The following CACNA2D4 variants were observed in gnomAD, a reference collection of about 807,000 sequenced individuals.
The protein encoded by CACNA2D4 is voltage-dependent calcium channel subunit alpha-2/delta-4.
A neutral mutation model predicts 163.8 loss-of-function variants in CACNA2D4; 157 were observed. That is an observed-to-expected ratio of 0.96 (90% CI 0.84 to 1.09). The LOEUF (loss-of-function observed/expected upper bound fraction) is 1.09, where lower values mean the gene tolerates loss of function less well. CACNA2D4 is among the 50% of genes least tolerant of loss of function. The pLI, the probability that CACNA2D4 is intolerant of heterozygous loss-of-function variation, is 0.00. For synonymous variants in CACNA2D4, 598 were observed against 586.9 expected, an observed-to-expected ratio of 1.02 and a Z score of -0.27; for missense variants, 1,410 against 1,479.9, an observed-to-expected ratio of 0.95 and a Z score of 0.78.
intron 29 of CACNA2D4, among the ~76,000 whole-genome samples, chr12:1,809,998 G>A (rs536308321): frequency 2.0e-5 from 3 of 152,322 alleles, no homozygotes; most frequent in Non-Finnish European, 4.4e-5. Flanking sequence ...GTCACTGAGT[G>A]GCTCCTACCA....
intron 6 of CACNA2D4, among the ~76,000 whole-genome samples, chr12:1,899,517 C>T (rs2154450899): frequency 6.6e-6 from 1 of 152,192 alleles, no homozygotes; most frequent in East Asian, 1.9e-4. Flanking sequence ...ATAATAGATT[C>T]ATACAAATAA....
In CACNA2D4 at chr12:1,804,576, C is replaced by T. The variant is rs116104097; in HGVS notation, c.2722-2932G>A. Among the ~76,000 whole-genome samples, 622 of 152,348 alleles carry T rather than the reference C, an allele frequency of 4.1e-3. 5 individuals carry two copies. The highest frequency in any genetic ancestry group is 0.014 in the African/African-American group (598 of 41,588). On this transcript the variant is annotated intron_variant, in intron 29 of 37. Transcript: ENST00000382722. ...CTCTGGCAGAAAATATCCATTCTCC[C>T]CGTCTTCTTTAGTTAGGCAGCCTGA...
chr12:1,916,665 A>G (rs1246944218), intron 1 of CACNA2D4, among the ~76,000 whole-genome samples: 2 of 152,162 alleles, frequency 1.3e-5, no homozygotes, highest in Non-Finnish European at 2.9e-5. Context: ...GACTGGGATA[A>G]AAGAAGACGG....
Position 1,886,251 on chromosome 12 carries a change from C to T in CACNA2D4, c.965G>A (p.Gly322Glu), listed in dbSNP as rs755263012. 7 of 1,613,452 alleles carry T rather than the reference C, an allele frequency of 4.3e-6. No individual in the cohort carries two copies. Among genetic ancestry groups the T allele is most frequent in the Non-Finnish European group, 5.9e-6 (7 of 1,179,474 alleles). ...TATGATATTAATGAAGTCATTCTCCCCCAGGGTGTCCAAGATGGTGGTGAT... is the reference window on the plus strand; with the variant it reads ...TATGATATTAATGAAGTCATTCTCCTCCAGGGTGTCCAAGATGGTGGTGAT... The part of the protein sequence containing the change: ...HTITTILDTL[G>E]ENDFINIIAY... Residue 322 changes from glycine to glutamate, a missense_variant, in exon 8 of 38, where the codon GGG becomes GAG. Coordinates refer to ENST00000382722, the MANE Select transcript of CACNA2D4 (RefSeq NM_172364.5).
intron 6 of CACNA2D4, among the ~76,000 whole-genome samples, chr12:1,890,929 GA>G (rs1052293951): frequency 6.6e-6 from 1 of 152,138 alleles, no homozygotes; most frequent in Non-Finnish European, 1.5e-5. Flanking sequence ...CTGTCCTGGG[GA>G]CTGAACTGCC....
intron 26 of CACNA2D4, among the ~76,000 whole-genome samples, chr12:1,840,010 A>G (rs965579236): frequency 1.3e-5 from 2 of 152,230 alleles, no homozygotes; most frequent in African/African-American, 4.8e-5. Context: ...TAAAGGTTAA[A>G]TCAGTTAATA....
rs1228262361 is a variant in CACNA2D4, at chr12:1,874,625, C to G, written c.1857G>C (p.Val619=). The G allele has an allele frequency of 1.2e-6, 2 of 1,612,988 alleles. No homozygotes were observed. Among genetic ancestry groups the G allele is most frequent in the Non-Finnish European group, 1.7e-6 (2 of 1,179,106 alleles). ...NRETGTLSMD[V]KVPMDKGKRV... ...TTACCCCTTTATCCATCGGAACCTT[C>G]ACATCCATCGAGAGAGTACCTGTTT... The change falls in exon 18 of 38, where the codon GTG becomes GTC. Residue 619 remains valine, a synonymous_variant. Transcript: ENST00000382722. The surrounding 1 kb of genome is among the most constrained non-coding windows in gnomAD (Gnocchi z 4.4).
At chr12:1,864,911 A>T (rs1865609882) in intron 18 of CACNA2D4, among the ~76,000 whole-genome samples, 1 of 152,102 alleles carries the variant, frequency 6.6e-6, no homozygotes, top group South Asian at 2.1e-4. Context: ...CTCGTAGGAA[A>T]ATCCGGCTAG....
intron 18 of CACNA2D4, among the ~76,000 whole-genome samples, chr12:1,862,475 G>A (rs933162858): frequency 8.6e-5 from 13 of 151,962 alleles, no homozygotes; most frequent in Non-Finnish European, 1.3e-4. Context: ...TCACTCTGTC[G>A]CCAGGCTGTC....
At chr12:1,808,000 T>C (rs1352767996) in intron 29 of CACNA2D4, among the ~76,000 whole-genome samples, 1 of 152,184 alleles carries the variant, frequency 6.6e-6, no homozygotes, top group Non-Finnish European at 1.5e-5. Flanking sequence ...AAATACATTA[T>C]AAAATATAAA....
At chr12:1,851,865 T>G (rs1215689522) in intron 23 of CACNA2D4, among the ~76,000 whole-genome samples, 3 of 152,266 alleles carry the variant, frequency 2.0e-5, no homozygotes, top group African/African-American at 7.2e-5. Flanking sequence ...TGTCTTTCCA[T>G]GTGTTCCAGC....
chr12:1,845,720 C>G (rs570649745), intron 24 of CACNA2D4, among the ~76,000 whole-genome samples: 75 of 152,270 alleles, frequency 4.9e-4, no homozygotes, highest in African/African-American at 1.6e-3. Flanking sequence ...CTTGAGCACC[C>G]GGGTGGGCCA....
At chr12:1,892,111 G>A (rs1866300721) in intron 6 of CACNA2D4, among the ~76,000 whole-genome samples, 1 of 38,090 alleles carries the variant, frequency 2.6e-5, no homozygotes, top group Non-Finnish European at 5.3e-5. Context: ...ATACATTGTA[G>A]TCAAACTGTA....
intron 14 of CACNA2D4, among the ~76,000 whole-genome samples, 191 bp from the exon 15 acceptor site, chr12:1,879,227 A>G (rs906740085): frequency 6.6e-6 from 1 of 152,196 alleles, no homozygotes; most frequent in African/African-American, 2.4e-5. Flanking sequence ...GAGCAAAACC[A>G]GCTGCTAGGA....
chr12:1,846,647 C>T lies in CACNA2D4; in HGVS notation c.2289G>A (p.Arg763=). 6 of 1,604,844 alleles carry T rather than the reference C, an allele frequency of 3.7e-6. No homozygotes were observed. The highest frequency in any genetic ancestry group is 5.1e-6 in the Non-Finnish European group (6 of 1,177,632). ...HVVDMAFLGT[R]AGLLRSSLFV... ...ACAAGCTGCTTCTCAGGAGGCCAGC[C>T]CGGGTGCCCAGGAAGGCCATGTCCA... The change falls in exon 24 of 38, where the codon CGG becomes CGA. Residue 763 remains arginine, a synonymous_variant. Transcript: ENST00000382722.
rs898156465 is a variant in CACNA2D4, at chr12:1,874,134, G to A, written c.1878+470C>T. On this transcript the variant is annotated intron_variant, in intron 18 of 37. Transcript: ENST00000382722. The surrounding 1 kb of genome is among the most constrained non-coding windows in gnomAD (Gnocchi z 4.4). The stretch of plus-strand genomic sequence containing the variant: ...GCACATGGTTGTAAAGATAGTAATG[G>A]GATTAGTGAGGGCATTGATTCCTAA... 6.6e-6 allele frequency among the ~76,000 whole-genome samples: 1 copy of A among 152,162 alleles called. No homozygotes were observed. Among genetic ancestry groups the A allele is most frequent in the Non-Finnish European group, 1.5e-5 (1 of 68,028 alleles).
At chr12:1,813,463 G>A (rs1463894853) in intron 26 of CACNA2D4, among the ~76,000 whole-genome samples, 2 of 152,332 alleles carry the variant, frequency 1.3e-5, no homozygotes, top group Middle Eastern at 3.4e-3. Context: ...ACAGCCACAC[G>A]TGGCTACTGA....
intron 26 of CACNA2D4, among the ~76,000 whole-genome samples, chr12:1,814,077 T>A (rs1481161190): frequency 6.6e-6 from 1 of 152,224 alleles, no homozygotes; most frequent in Non-Finnish European, 1.5e-5. Context: ...TGACCAGCTC[T>A]TCGGGATTGA....
At chr12:1,866,953 C>T (rs1391333052) in intron 18 of CACNA2D4, among the ~76,000 whole-genome samples, 1 of 152,080 alleles carries the variant, frequency 6.6e-6, no homozygotes, top group Non-Finnish European at 1.5e-5. Flanking sequence ...TTACCGAAGA[C>T]ATTATCCTTA....
Sources: allele counts gnomAD v4.1 joint callset (sites outside exome capture counted in the v4.1 genomes callset), GRCh38; gene constraint gnomAD v4.1.1; non-coding constraint Gnocchi (gnomAD v3.1); transcripts MANE v1.5; gene names NCBI Gene and HGNC (gene_info 2026-07-23, HGNC 2026-07-21).